PUS7L: variants seen among roughly 807,000 people sequenced by gnomAD.
The protein encoded by PUS7L is pseudouridylate synthase PUS7L.
Under a neutral mutation model 51.1 loss-of-function variants are expected in PUS7L, and 49 were observed. The ratio of observed to expected loss-of-function variants is 0.96; its 90% CI spans 0.76 to 1.22. The LOEUF (loss-of-function observed/expected upper bound fraction) is 1.22. Ranked by LOEUF, PUS7L falls within the 50% of genes most tolerant of loss-of-function variation. PUS7L has a pLI of 0.00. For missense variants in PUS7L, 828 were observed against 820.6 expected, an observed-to-expected ratio of 1.01 and a Z score of -0.11; for synonymous variants, 277 against 276.2, an observed-to-expected ratio of 1.00 and a Z score of -0.03.
intron 1 of PUS7L, 78 bp downstream of exon 1, chr12:43,758,652 T>TGGGGGGGGCG: frequency 1.4e-6 from 1 of 708,232 alleles, no homozygotes; most frequent in Non-Finnish European, 1.6e-6. Context: ...GCCAACCTCG[T>TGGGGGGGGCG]CACCCCCCCC....
At chr12:43,745,988 G>A (rs1938148238) in intron 4 of PUS7L, 58 bp downstream of exon 4, 5 of 763,328 alleles carry the variant, frequency 6.6e-6, no homozygotes, top group Admixed American at 2.7e-5. Context: ...TTGCCTCAGT[G>A]TAGAGAAAGA....
rs1008491457 is a variant in PUS7L, at chr12:43,729,792, G to A, written c.*584C>T. The A allele has an allele frequency of 2.6e-5, 4 of 152,410 alleles. No individual in the cohort carries two copies. Among genetic ancestry groups the A allele is most frequent in the Admixed American group, 2.6e-4 (4 of 15,282 alleles). 9.4% of individuals were successfully genotyped at this position (152,410 alleles called of 1,614,324 possible). ...GTATGCCAAGATATAAAAATTGGATGAGAAATTGTATTTCAATCTTCATCA... is the reference window on the plus strand; with the variant it reads ...GTATGCCAAGATATAAAAATTGGATAAGAAATTGTATTTCAATCTTCATCA... On this transcript the variant is annotated 3_prime_UTR_variant, in exon 9 of 9. Transcript: ENST00000344862.
intron 4 of PUS7L, 72 bp downstream of exon 4, chr12:43,745,974 C>T (rs901459584): frequency 1.5e-6 from 1 of 650,708 alleles, no homozygotes; most frequent in Non-Finnish European, 2.6e-6. Flanking sequence ...AGAAGTTTCC[C>T]CTCTTGCCTC....
intron 4 of PUS7L, among the ~76,000 whole-genome samples, chr12:43,743,707 GAGCCGAGATCGTGCCACT>G (rs1938020976): frequency 6.6e-6 from 1 of 152,064 alleles, no homozygotes; most frequent in East Asian, 1.9e-4. Flanking sequence ...TGCTTGCAGT[GAGCCGAGATCGTGCCACT>G]GCACTCCAGC....
chr12:43,743,613 A>G (rs915260098), intron 4 of PUS7L, among the ~76,000 whole-genome samples: 3 of 152,066 alleles, frequency 2.0e-5, no homozygotes, highest in Non-Finnish European at 4.4e-5. Context: ...AATACAAAAA[A>G]TTAGCTGGGC....
At chr12:43,753,720 G>GA (rs1157126162) in intron 2 of PUS7L, among the ~76,000 whole-genome samples, 1 of 152,040 alleles carries the variant, frequency 6.6e-6, no homozygotes, top group Non-Finnish European at 1.5e-5. Flanking sequence ...AGCAGACCAG[G>GA]AAAAAACACT....
intron 3 of PUS7L, among the ~76,000 whole-genome samples, chr12:43,747,713 A>T (rs1437464416): frequency 3.3e-5 from 5 of 152,170 alleles, no homozygotes; most frequent in African/African-American, 1.2e-4. Flanking sequence ...ATAAATAATA[A>T]AAAAAAGTTT....
intron 2 of PUS7L, among the ~76,000 whole-genome samples, chr12:43,748,874 C>T (rs1046252546): frequency 6.6e-5 from 10 of 152,060 alleles, no homozygotes; most frequent in Non-Finnish European, 8.8e-5. Flanking sequence ...CAGGTACACA[C>T]CACCACGCCC....
At position 43,754,883 on chromosome 12, in the gene PUS7L, T is replaced by C. The variant is rs1033662801; in HGVS notation, c.363A>G (p.Lys121=). The C allele has an allele frequency of 1.9e-6, 3 of 1,613,740 alleles. No individual in the cohort carries two copies. The highest frequency in any genetic ancestry group is 1.1e-5 in the South Asian group (1 of 91,046). The change falls in exon 2 of 9, where the codon AAA becomes AAG. Residue 121 remains lysine, a synonymous_variant. Coordinates refer to ENST00000344862, the MANE Select transcript of PUS7L (RefSeq NM_031292.5). ...CCAAAAAGGAGCTTAAAACATCAGC[T>C]TTTTCTTCACATTTGGAAGTTCCAT... ...IVDGTSKCEE[K]ADVLSSFLDE...
chr12:43,758,587 C>T, intron 1 of PUS7L, 143 bp downstream of exon 1: 1 of 983,526 alleles, frequency 1.0e-6, no homozygotes, highest in South Asian at 4.7e-5. Context: ...TGTCCAAAGG[C>T]ACGACACTAG....
intron 4 of PUS7L, among the ~76,000 whole-genome samples, chr12:43,744,476 T>C (rs904544530): frequency 6.6e-6 from 1 of 152,226 alleles, no homozygotes; most frequent in African/African-American, 2.4e-5. Flanking sequence ...AGAGGTGCCT[T>C]CTGCCATGAT....
chr12:43,752,460 C>A (rs538886172), intron 2 of PUS7L, among the ~76,000 whole-genome samples: 3 of 152,186 alleles, frequency 2.0e-5, no homozygotes, highest in Admixed American at 6.5e-5. Flanking sequence ...GTAAATATCA[C>A]GTGTGCTTTA....
intron 1 of PUS7L, among the ~76,000 whole-genome samples, chr12:43,755,754 T>G (rs750697620): frequency 6.6e-6 from 1 of 152,148 alleles, no homozygotes. Context: ...GATGGGTAAA[T>G]GAAGTTCTAA....
chr12:43,753,777 C>G lies in PUS7L; in HGVS notation c.910+559G>C, dbSNP rs556177817. The stretch of plus-strand genomic sequence containing the variant: ...CCAGAATCAGAAACTGAGAATGGAG[C>G]TCTGAAATCTGTTTTAACAAGAACT... On this transcript the variant is annotated intron_variant, in intron 2 of 8. Transcript: ENST00000344862. Among the ~76,000 whole-genome samples, 14 of 152,256 alleles carry G rather than the reference C, an allele frequency of 9.2e-5. No individual in the cohort carries two copies. In the South Asian group the frequency reaches 2.7e-3, roughly 29 times the overall value.
At chr12:43,735,645 T>C (rs1944668499) in intron 7 of PUS7L, among the ~76,000 whole-genome samples, 1 of 151,962 alleles carries the variant, frequency 6.6e-6, no homozygotes, top group Non-Finnish European at 1.5e-5. Flanking sequence ...AAATAGATTT[T>C]CAATGGATAT....
chr12:43,754,197 G>T, intron 2 of PUS7L, 139 bp downstream of exon 2: 162 of 517,060 alleles, frequency 3.1e-4, no homozygotes, highest in Middle Eastern at 5.5e-4. Flanking sequence ...TGCTTAAATT[G>T]CTTATCAGCA....
chr12:43,730,734 A>C (rs987567205), intron 8 of PUS7L, 32 bp from the exon 9 acceptor site: 1 of 1,411,636 alleles, frequency 7.1e-7, no homozygotes, highest in African/African-American at 1.4e-5. Context: ...AAATATGAAA[A>C]TAGCCTTCAA....
chr12:43,724,233 A>G lies in PUS7L; in HGVS notation c.*6143T>C, dbSNP rs1337465100. On this transcript the variant is annotated 3_prime_UTR_variant, in exon 9 of 9. Coordinates refer to ENST00000344862, the MANE Select transcript of PUS7L (RefSeq NM_031292.5). ...GGAACATTGACCTAGACAGCTCTTAAAGATCCTAATTTGAATGAACTACTG... is the reference window on the plus strand; with the variant it reads ...GGAACATTGACCTAGACAGCTCTTAGAGATCCTAATTTGAATGAACTACTG... 3 of 151,950 alleles carry G rather than the reference A, an allele frequency of 2.0e-5. No individual in the cohort carries two copies. Among genetic ancestry groups the G allele is most frequent in the Non-Finnish European group, 4.4e-5 (3 of 67,912 alleles). 9.4% of individuals were successfully genotyped at this position (151,950 alleles called of 1,614,324 possible).
intron 7 of PUS7L, among the ~76,000 whole-genome samples, chr12:43,732,680 T>G (rs558532375): frequency 2.6e-5 from 4 of 152,346 alleles, no homozygotes; most frequent in African/African-American, 9.6e-5. Context: ...CATTCTCATA[T>G]TCCTAAAGCA....
Sources: gnomAD v4.1 joint callset for allele counts (sites outside exome capture counted in the v4.1 genomes callset) on GRCh38, gnomAD v4.1.1 for gene constraint, MANE v1.5 for transcripts, NCBI Gene and HGNC (gene_info 2026-07-23, HGNC 2026-07-21) for gene names.